TMEM117: variants seen among roughly 807,000 people sequenced by gnomAD.
The protein encoded by TMEM117 is transmembrane protein 117.
Under a neutral mutation model 52.4 loss-of-function variants are expected in TMEM117, and 27 were observed. That is an observed-to-expected ratio of 0.51 (90% CI 0.38 to 0.71). The LOEUF is 0.71. Among genes scored for constraint, TMEM117 ranks in the 30% least tolerant of loss-of-function variants. The pLI, the probability that TMEM117 is intolerant of heterozygous loss-of-function variation, is 0.00. For synonymous variants in TMEM117, 215 were observed against 206.3 expected (o/e 1.04, Z -0.36); for missense variants, 556 against 630.5 (o/e 0.88, Z 1.26).
At chr12:44,339,195 C>A (rs943178866) in intron 6 of TMEM117, among the ~76,000 whole-genome samples, 3 of 152,052 alleles carry the variant, frequency 2.0e-5, no homozygotes, top group African/African-American at 7.2e-5. Flanking sequence ...AACAGAAGCA[C>A]AGCCCAATCT....
At chr12:43,954,274 T>C (rs1302032475) in intron 3 of TMEM117, among the ~76,000 whole-genome samples, 1 of 152,026 alleles carries the variant, frequency 6.6e-6, no homozygotes, top group East Asian at 1.9e-4. Context: ...AATCTCATAG[T>C]TAGCAGAAGA....
chr12:44,009,038 C>T, intron 3 of TMEM117: 1 of 379,902 alleles, frequency 2.6e-6, no homozygotes, highest in South Asian at 2.2e-5. Flanking sequence ...TGAAGCTTTT[C>T]CCACATTCCT....
intron 2 of TMEM117, among the ~76,000 whole-genome samples, chr12:43,845,909 T>G (rs1305806145): frequency 6.6e-6 from 1 of 152,212 alleles, no homozygotes; most frequent in African/African-American, 2.4e-5. Context: ...TCCATGGTGA[T>G]ATATACGTAA....
chr12:43,987,712 G>A (rs921581882), intron 3 of TMEM117, among the ~76,000 whole-genome samples: 2 of 151,840 alleles, frequency 1.3e-5, no homozygotes, highest in Non-Finnish European at 2.9e-5. Flanking sequence ...TTCTTCTTTC[G>A]TAAAGTTAGG....
chr12:44,116,512 A>G (rs1948146293), intron 3 of TMEM117, among the ~76,000 whole-genome samples: 1 of 152,182 alleles, frequency 6.6e-6, no homozygotes, highest in African/African-American at 2.4e-5. Context: ...TTAAAACTAC[A>G]AACTGCAAAC....
chr12:44,063,638 C>T (rs2137961848), intron 3 of TMEM117, among the ~76,000 whole-genome samples: 1 of 148,626 alleles, frequency 6.7e-6, no homozygotes, highest in East Asian at 2.0e-4. Flanking sequence ...CCACAACAGC[C>T]CCCGGTGTGT....
chr12:44,352,892 A>G (rs891639951), intron 6 of TMEM117, among the ~76,000 whole-genome samples: 9 of 152,158 alleles, frequency 5.9e-5, no homozygotes, highest in African/African-American at 2.2e-4. Context: ...CAATGGTTGA[A>G]CTAGTTTACA....
chr12:44,285,892 G>A (rs1390030390), intron 5 of TMEM117, among the ~76,000 whole-genome samples: 1 of 152,120 alleles, frequency 6.6e-6, no homozygotes, highest in African/African-American at 2.4e-5. Context: ...TTCTGCTTTT[G>A]CCTGTTTATT....
At chr12:43,931,535 C>T (rs1026075113) in intron 2 of TMEM117, among the ~76,000 whole-genome samples, 1 of 152,074 alleles carries the variant, frequency 6.6e-6, no homozygotes, top group African/African-American at 2.4e-5. Flanking sequence ...AACTATGTTC[C>T]ATATGTTTCA....
chr12:44,104,422 T>TC lies in TMEM117; in HGVS notation c.411-39101dup, dbSNP rs1947917647. Among the ~76,000 whole-genome samples, 3 of 151,944 alleles carry TC rather than the reference T, an allele frequency of 2.0e-5. No homozygotes were observed. In the South Asian group the frequency reaches 6.2e-4, roughly 31 times the overall value. On this transcript the variant is annotated intron_variant, in intron 3 of 7. Transcript: ENST00000266534. ...GTCAACTGGTAATTAGGGTTTTTTT[T>TC]CCTGTCATAAATATTTATTGAGCAC...
rs181550409 is a variant in TMEM117 at position 44,229,494 on chromosome 12, C to T, written c.608+18107C>T. Among the ~76,000 whole-genome samples the T allele has an allele frequency of 1.5e-3, 228 of 152,150 alleles. 3 individuals carry two copies. Among genetic ancestry groups the T allele is most frequent in the African/African-American group, 5.1e-3 (213 of 41,520 alleles). Reference sequence around the variant, plus strand: ...GAGGGGAACATGTGCTCATGGGGTCCAGGTAAATGTACCATGCTACAGGAA... The same window carrying T: ...GAGGGGAACATGTGCTCATGGGGTCTAGGTAAATGTACCATGCTACAGGAA... On this transcript the variant is annotated intron_variant, in intron 5 of 7. Transcript: ENST00000266534.
chr12:43,942,058 A>G (rs539450373), intron 2 of TMEM117, among the ~76,000 whole-genome samples: 4 of 152,350 alleles, frequency 2.6e-5, no homozygotes, highest in Admixed American at 2.6e-4. Context: ...GTGCTTCATT[A>G]TCAACTGCTG....
At position 44,388,880 on chromosome 12, in the gene TMEM117, C is replaced by T; in HGVS notation, c.*208C>T. The stretch of plus-strand genomic sequence containing the variant: ...TGCCTACTGTATACTCAACAGTCCT[C>T]TAGAGATTGCTTTTCACAATTGCAC... On this transcript the variant is annotated 3_prime_UTR_variant, in exon 8 of 8. Transcript: ENST00000266534. The T allele has an allele frequency of 1.7e-6, 1 of 572,902 alleles. No individual in the cohort carries two copies. 35.5% of individuals were successfully genotyped at this position (572,902 alleles called of 1,614,324 possible).
At chr12:44,314,554 G>T (rs568320627) in intron 6 of TMEM117, among the ~76,000 whole-genome samples, 8 of 147,292 alleles carry the variant, frequency 5.4e-5, no homozygotes, top group African/African-American at 1.8e-4. Flanking sequence ...ATATTGGCCT[G>T]TAGTTTCTTC....
At chr12:44,327,307 AT>A (rs1298438131) in intron 6 of TMEM117, among the ~76,000 whole-genome samples, 1 of 152,206 alleles carries the variant, frequency 6.6e-6, no homozygotes, top group African/African-American at 2.4e-5. Context: ...ATCTTTGGTA[AT>A]ACAGTGTTTA....
chr12:44,007,832 C>T (rs1360907426), intron 3 of TMEM117, among the ~76,000 whole-genome samples: 1 of 152,078 alleles, frequency 6.6e-6, no homozygotes, highest in Non-Finnish European at 1.5e-5. Context: ...TGTCTACTGC[C>T]ATCCATGTAA....
intron 6 of TMEM117, among the ~76,000 whole-genome samples, chr12:44,317,842 G>A (rs994177224): frequency 6.6e-5 from 10 of 152,288 alleles, no homozygotes; most frequent in Non-Finnish European, 1.3e-4. Flanking sequence ...ACTGTTTAGT[G>A]CACAGTGGTC....
chr12:43,841,287 A>G (rs902333169), intron 1 of TMEM117, among the ~76,000 whole-genome samples: 4 of 152,330 alleles, frequency 2.6e-5, no homozygotes, highest in East Asian at 1.9e-4. Context: ...GCTTTGTGGT[A>G]TATTAGAAAG....
At chr12:44,283,497 C>T (rs892630352) in intron 5 of TMEM117, among the ~76,000 whole-genome samples, 25 of 152,290 alleles carry the variant, frequency 1.6e-4, no homozygotes, top group African/African-American at 6.0e-4. Context: ...AATTTGACTG[C>T]CCCACTGGAT....
Sources: gnomAD v4.1 joint callset for allele counts (sites outside exome capture counted in the v4.1 genomes callset) on GRCh38, gnomAD v4.1.1 for gene constraint, MANE v1.5 for transcripts, NCBI Gene and HGNC (gene_info 2026-07-23, HGNC 2026-07-21) for gene names.